ERBB4: variants seen among roughly 807,000 people sequenced by gnomAD.
ERBB4 encodes the protein erb-b2 receptor tyrosine kinase 4.
In ERBB4, 42 loss-of-function variants were observed where a neutral mutation model predicts 158.0. That is an observed-to-expected ratio of 0.27 (90% CI 0.21 to 0.34). The LOEUF (loss-of-function observed/expected upper bound fraction) is 0.34, where lower values mean the gene tolerates loss of function less well. Ranked by LOEUF, ERBB4 falls within the 10% of genes least tolerant of loss-of-function variation. The pLI is 1.00. For synonymous variants in ERBB4, 583 were observed against 558.7 expected (o/e 1.04, Z -0.61); for missense variants, 1,333 against 1,624.1 (o/e 0.82, Z 3.08).
intron 19 of ERBB4, among the ~76,000 whole-genome samples, chr2:211,617,595 G>A (rs892875730): frequency 2.6e-5 from 4 of 152,032 alleles, no homozygotes; most frequent in Admixed American, 6.6e-5. Flanking sequence ...CAACCAATCC[G>A]AAAAGCTGGT....
At chr2:211,756,436 G>A (rs2075289028) in intron 4 of ERBB4, among the ~76,000 whole-genome samples, 1 of 152,152 alleles carries the variant, frequency 6.6e-6, no homozygotes, top group Non-Finnish European at 1.5e-5. Flanking sequence ...AGCATAGTTT[G>A]CATGAGTAAT....
chr2:211,533,415 G>C (rs375910755), intron 20 of ERBB4, among the ~76,000 whole-genome samples: 2 of 151,998 alleles, frequency 1.3e-5, no homozygotes, highest in African/African-American at 4.8e-5. Context: ...ATACCTAATA[G>C]AGCTCGTATG....
chr2:212,277,426 T>A (rs114388700), intron 1 of ERBB4, among the ~76,000 whole-genome samples: 2,811 of 151,870 alleles, frequency 0.019, 92 homozygotes, highest in African/African-American at 0.065. Flanking sequence ...CACCCCCGAA[T>A]AAATAAGCAC....
At chr2:212,139,545 T>C (rs1038624894) in intron 1 of ERBB4, among the ~76,000 whole-genome samples, 1 of 151,958 alleles carries the variant, frequency 6.6e-6, no homozygotes, top group Admixed American at 6.6e-5. Flanking sequence ...TAGAGAATAA[T>C]TGATGATTTT....
chr2:212,363,661 T>A (rs930327593), intron 1 of ERBB4, among the ~76,000 whole-genome samples: 2 of 150,446 alleles, frequency 1.3e-5, no homozygotes, highest in Admixed American at 6.7e-5. Flanking sequence ...AAAAAAAAAA[T>A]ACTTATATAT....
At position 211,424,067 on chromosome 2, in the gene ERBB4, A is replaced by G. The variant is rs1002187674; in HGVS notation, c.2866+88T>C. On this transcript the variant is annotated intron_variant, in intron 23 of 27. Transcript: ENST00000342788. ...TGTTTTTGAACTGTCGTATTTTTCA[A>G]TACAGAGAAATGTTGTACAGATTGA... 16 of 1,324,212 alleles carry G rather than the reference A, an allele frequency of 1.2e-5. No homozygotes were observed. In the Admixed American group the frequency reaches 1.3e-4, roughly 11 times the overall value. The allele number at this position is 1,324,212 out of a possible 1,614,324, so 82.0% of individuals were successfully genotyped here. A position where few individuals can be genotyped will look rare whatever the true frequency, so the allele number is the denominator to read the frequency against.
intron 5 of ERBB4, among the ~76,000 whole-genome samples, chr2:211,737,961 T>A (rs1559473268): frequency 1.3e-5 from 2 of 152,168 alleles, no homozygotes; most frequent in Non-Finnish European, 2.9e-5. Context: ...AATGTTTGTA[T>A]TTTTTACTAT....
intron 3 of ERBB4, among the ~76,000 whole-genome samples, chr2:211,819,361 A>T (rs1442800619): frequency 6.6e-6 from 1 of 152,054 alleles, no homozygotes; most frequent in Non-Finnish European, 1.5e-5. Flanking sequence ...GAAAAGACAC[A>T]TGTTATAATG....
intron 3 of ERBB4, among the ~76,000 whole-genome samples, chr2:211,842,875 G>A (rs1198242742): frequency 6.6e-6 from 1 of 152,062 alleles, no homozygotes; most frequent in Admixed American, 6.6e-5. Context: ...TTGGCATGCT[G>A]TAACTATTTG....
chr2:212,500,430 T>A (rs1342555232), intron 1 of ERBB4, among the ~76,000 whole-genome samples: 2 of 152,170 alleles, frequency 1.3e-5, no homozygotes, highest in Admixed American at 1.3e-4. Flanking sequence ...AATTACCATC[T>A]GTCCATTAAA....
chr2:211,463,384 A>C (rs947095317), intron 20 of ERBB4, among the ~76,000 whole-genome samples: 1 of 152,140 alleles, frequency 6.6e-6, no homozygotes, highest in African/African-American at 2.4e-5. Context: ...GATTTTACTA[A>C]TACTACTTCT....
chr2:212,123,509 C>T (rs1313859975), intron 2 of ERBB4, among the ~76,000 whole-genome samples: 2 of 152,148 alleles, frequency 1.3e-5, no homozygotes, highest in Non-Finnish European at 2.9e-5. Flanking sequence ...TAAACAAAGA[C>T]ATCAAAATTA....
At chr2:211,953,667 A>G (rs952354833) in intron 2 of ERBB4, among the ~76,000 whole-genome samples, 4 of 151,976 alleles carry the variant, frequency 2.6e-5, no homozygotes, top group Admixed American at 1.3e-4. Context: ...TCCATTGTCA[A>G]TGTAGGTTTC....
At chr2:212,218,463 A>C (rs1344307429) in intron 1 of ERBB4, among the ~76,000 whole-genome samples, 2 of 151,182 alleles carry the variant, frequency 1.3e-5, no homozygotes, top group Non-Finnish European at 3.0e-5. Context: ...ACTATTAAGG[A>C]AGCCTAGATG....
chr2:211,500,898 T>C (rs1181760616), intron 20 of ERBB4, among the ~76,000 whole-genome samples: 2 of 152,006 alleles, frequency 1.3e-5, no homozygotes, highest in East Asian at 3.9e-4. Context: ...AAATTAAAGG[T>C]TGTGACTGAA....
chr2:211,789,090 C>T (rs2076228310), intron 3 of ERBB4, among the ~76,000 whole-genome samples: 1 of 152,040 alleles, frequency 6.6e-6, no homozygotes, highest in Non-Finnish European at 1.5e-5. Flanking sequence ...TGAAATATAT[C>T]CTCTGAAAAT....
At chr2:211,632,697 T>A (rs946064188) in intron 16 of ERBB4, among the ~76,000 whole-genome samples, 6 of 152,094 alleles carry the variant, frequency 3.9e-5, no homozygotes, top group African/African-American at 1.4e-4. Context: ...TTTTTTCTTA[T>A]TTTGGTGGAG....
At chr2:212,452,009 G>GTT (rs755896726) in intron 1 of ERBB4, among the ~76,000 whole-genome samples, 8 of 138,990 alleles carry the variant, frequency 5.8e-5, no homozygotes, top group Admixed American at 1.5e-4. Context: ...GAGTGTGCAG[G>GTT]TTTTTTTTTT....
In ERBB4 at chr2:211,580,844, T is replaced by TAATA. The variant is rs1232460302; in HGVS notation, c.2302-18757_2302-18756insTATT. ...ATATATTATATATATAGATTATATA[T>TAATA]TATATATATAGTATGCATATACATA... On this transcript the variant is annotated intron_variant, in intron 19 of 27. Coordinates refer to ENST00000342788, the MANE Select transcript of ERBB4 (RefSeq NM_005235.3). 8.5e-5 allele frequency among the ~76,000 whole-genome samples: 5 copies of TAATA among 58,712 alleles called. 1 individual carries two copies. Among genetic ancestry groups the TAATA allele is most frequent in the Non-Finnish European group, 1.6e-4 (4 of 25,206 alleles). The allele number at this position is 58,712 out of a possible 152,430, so 38.5% of individuals were successfully genotyped here. A position where few individuals can be genotyped will look rare whatever the true frequency, so the allele number is the denominator to read the frequency against.
Sources: gnomAD v4.1 joint callset for allele counts (sites outside exome capture counted in the v4.1 genomes callset) on GRCh38, gnomAD v4.1.1 for gene constraint, MANE v1.5 for transcripts, NCBI Gene and HGNC (gene_info 2026-07-23, HGNC 2026-07-21) for gene names.